DENND5B: variants seen among roughly 807,000 people sequenced by gnomAD.
DENND5B encodes the protein DENN domain containing 5B.
In DENND5B, 34 loss-of-function variants were observed where a neutral mutation model predicts 140.6. That is an observed-to-expected ratio of 0.24 (90% CI 0.18 to 0.32). The LOEUF is 0.32. DENND5B is among the 10% of genes least tolerant of loss of function. The pLI, the probability that DENND5B is intolerant of heterozygous loss-of-function variation, is 1.00. For missense variants in DENND5B, 1,142 were observed against 1,560.2 expected, an observed-to-expected ratio of 0.73 and a Z score of 4.52; for synonymous variants, 551 against 562.1, an observed-to-expected ratio of 0.98 and a Z score of 0.28.
chr12:31,544,819 T>C (rs1948803425), intron 1 of DENND5B, among the ~76,000 whole-genome samples: 1 of 151,920 alleles, frequency 6.6e-6, no homozygotes, highest in South Asian at 2.1e-4. Flanking sequence ...ACTAATAAAA[T>C]ATTTATTCTT....
At chr12:31,454,812 C>CTTTTTTTT (rs201720111) in intron 4 of DENND5B, among the ~76,000 whole-genome samples, 19 of 93,902 alleles carry the variant, frequency 2.0e-4, no homozygotes, top group East Asian at 3.0e-4. Context: ...GATTCAGTAT[C>CTTTTTTTT]TTTTTTTTTT....
intron 7 of DENND5B, among the ~76,000 whole-genome samples, chr12:31,441,360 A>AT (rs1944020863): frequency 6.6e-6 from 1 of 151,798 alleles, no homozygotes; most frequent in Non-Finnish European, 1.5e-5. Context: ...AAATGTATGT[A>AT]TTTTTTTGTA....
intron 1 of DENND5B, among the ~76,000 whole-genome samples, chr12:31,518,949 G>C (rs932775349): frequency 6.6e-6 from 1 of 152,186 alleles, no homozygotes. Flanking sequence ...CAGAAATGTT[G>C]CTGAAAGCAG....
At chr12:31,438,675 T>A (rs540180168) in intron 7 of DENND5B, among the ~76,000 whole-genome samples, 15 of 151,770 alleles carry the variant, frequency 9.9e-5, no homozygotes, top group African/African-American at 3.6e-4. Flanking sequence ...AGAATATAAA[T>A]AACAAACAAA....
chr12:31,399,161 A>G (rs1244841807), intron 16 of DENND5B, among the ~76,000 whole-genome samples: 12 of 150,776 alleles, frequency 8.0e-5, no homozygotes, highest in African/African-American at 2.9e-4. Flanking sequence ...AGAAAGAAAA[A>G]AAAAAGTTTT....
intron 3 of DENND5B, among the ~76,000 whole-genome samples, chr12:31,467,866 G>A (rs1267504024): frequency 6.6e-6 from 1 of 151,876 alleles, no homozygotes. Flanking sequence ...AGAAAAAACT[G>A]CAATGAGAAA....
chr12:31,561,013 G>A (rs988071332), intron 1 of DENND5B, among the ~76,000 whole-genome samples: 32 of 152,144 alleles, frequency 2.1e-4, no homozygotes, highest in African/African-American at 7.7e-4. Flanking sequence ...AGATCAGAGG[G>A]AGTATTCTTA....
chr12:31,390,214 G>T (rs34007930), intron 19 of DENND5B, among the ~76,000 whole-genome samples: 19,107 of 152,244 alleles, frequency 0.13, 1,552 homozygotes, highest in Non-Finnish European at 0.18. Flanking sequence ...CACTCCAAAA[G>T]AGCTTCCTGT....
At chr12:31,535,187 G>GC in intron 1 of DENND5B, 1 of 286,906 alleles carries the variant, frequency 3.5e-6, no homozygotes, top group South Asian at 4.2e-5. Flanking sequence ...CTGTGCAGGG[G>GC]TGTCCAGCCA....
At chr12:31,506,859 C>T (rs1382114819) in intron 1 of DENND5B, among the ~76,000 whole-genome samples, 2 of 152,210 alleles carry the variant, frequency 1.3e-5, no homozygotes, top group African/African-American at 2.4e-5. Context: ...CTTTCCCCTG[C>T]GCATACATCA....
intron 2 of DENND5B, among the ~76,000 whole-genome samples, chr12:31,489,843 G>A (rs1946457081): frequency 6.6e-6 from 1 of 152,188 alleles, no homozygotes; most frequent in Non-Finnish European, 1.5e-5. Flanking sequence ...CTATATAAAT[G>A]TTTACAGTGA....
chr12:31,393,699 CT>C (rs1219528628), intron 17 of DENND5B, among the ~76,000 whole-genome samples: 6 of 151,836 alleles, frequency 4.0e-5, no homozygotes, highest in Non-Finnish European at 7.4e-5. Flanking sequence ...TTTCTTTTTT[CT>C]TTTTTGAGAT....
At chr12:31,389,216 A>G in intron 20 of DENND5B, 108 bp downstream of exon 20, 1 of 1,074,012 alleles carries the variant, frequency 9.3e-7, no homozygotes. Context: ...AGTAAAAGGA[A>G]AGAAACCCAA....
rs1468838807 is a variant in DENND5B, at chr12:31,447,587, G to A, written c.1812C>T (p.Pro604=). The A allele has an allele frequency of 1.2e-6, 2 of 1,613,780 alleles. No homozygotes were observed. Among genetic ancestry groups the A allele is most frequent in the Non-Finnish European group, 1.7e-6 (2 of 1,179,874 alleles). Residue 604 remains proline (P), a synonymous_variant, in exon 6 of 21, where the codon CCC becomes CCT. Coordinates refer to ENST00000389082, the MANE Select transcript of DENND5B (RefSeq NM_144973.4). ...TCTGATATATAGATGTCCGCAAGGT[G>A]GGTGCCCTTACATTATACAGCCTTA... ...DKIRLYNVRA[P]TLRTSIYQKC...
rs1230377038 is a variant in DENND5B, at chr12:31,387,696, G to A, written c.3732C>T (p.Arg1244=). The part of the protein sequence containing the change: ...MYEESALLRD[R]MTVNSLIRIL... ...TTCGGATAAGGGAGTTGACAGTCAT[G>A]CGGTCTCGCAGGAGAGCGCTCTCTT... Residue 1244 remains arginine, a synonymous_variant, in exon 21 of 21, where the codon CGC becomes CGT. Transcript: ENST00000389082. 6.2e-7 allele frequency: 1 copy of A among 1,614,072 alleles called. No individual in the cohort carries two copies. The highest frequency in any genetic ancestry group is 2.2e-5 in the East Asian group (1 of 44,890).
Position 31,413,346 on chromosome 12 carries a change from T to C in DENND5B, c.2681+90A>G, listed in dbSNP as rs1032262691. The C allele has an allele frequency of 2.7e-6, 4 of 1,487,122 alleles. No individual in the cohort carries two copies. The African/African-American group carries it at 4.2e-5, about 16-fold the overall frequency. 92.1% of individuals were successfully genotyped at this position (1,487,122 alleles called of 1,614,324 possible). A position where few individuals can be genotyped will look rare whatever the true frequency, so the allele number is the denominator to read the frequency against. The stretch of plus-strand genomic sequence containing the variant: ...CATGTGCACAGGATACAGCACTTCA[T>C]ACTGAAGAAGCCAGTTTGTCAGTTT... On this transcript the variant is annotated intron_variant, in intron 13 of 20. Coordinates refer to ENST00000389082, the MANE Select transcript of DENND5B (RefSeq NM_144973.4).
chr12:31,462,842 C>T (rs1945081406), intron 3 of DENND5B, among the ~76,000 whole-genome samples: 1 of 152,076 alleles, frequency 6.6e-6, no homozygotes, highest in Non-Finnish European at 1.5e-5. Context: ...ACCTGTAATC[C>T]CAGTTACTTG....
rs114133788 is a variant in DENND5B at position 31,523,548 on chromosome 12, C to T, written c.128-27629G>A. ...AAAACACTTCTGAGTGAATGTCTGGCCATCTTATTAGCATCTTATTAATCT... is the reference window on the plus strand; with the variant it reads ...AAAACACTTCTGAGTGAATGTCTGGTCATCTTATTAGCATCTTATTAATCT... On this transcript the variant is annotated intron_variant, in intron 1 of 20. Coordinates refer to ENST00000389082, the MANE Select transcript of DENND5B (RefSeq NM_144973.4). Among the ~76,000 whole-genome samples, 1,517 of 152,030 alleles carry T rather than the reference C, an allele frequency of 1.0e-2. 27 individuals are homozygous for T. The highest frequency in any genetic ancestry group is 0.034 in the African/African-American group (1,430 of 41,460).
chr12:31,495,292 CTTA>C (rs1204144617), intron 2 of DENND5B, among the ~76,000 whole-genome samples: 2 of 152,042 alleles, frequency 1.3e-5, no homozygotes, highest in Admixed American at 1.3e-4. Flanking sequence ...ATTGTATAAA[CTTA>C]TTAACTATGG....
Sources: allele counts gnomAD v4.1 joint callset (sites outside exome capture counted in the v4.1 genomes callset), GRCh38; gene constraint gnomAD v4.1.1; transcripts MANE v1.5; gene names NCBI Gene and HGNC (gene_info 2026-07-23, HGNC 2026-07-21).